The following NCS1 variants were observed in gnomAD, a reference collection of about 807,000 sequenced individuals.
NCS1 encodes the protein neuronal calcium sensor 1.
A neutral mutation model predicts 28.4 loss-of-function variants in NCS1; 6 were observed. The observed-to-expected ratio is 0.21, with a 90% CI of 0.12 to 0.42. The LOEUF (loss-of-function observed/expected upper bound fraction) is 0.42. Ranked by LOEUF, NCS1 falls within the 10% of genes least tolerant of loss-of-function variation. The pLI is 1.00. For synonymous variants in NCS1, 86 were observed against 99.3 expected, an observed-to-expected ratio of 0.87 and a Z score of 0.79; for missense variants, 131 against 241.4, an observed-to-expected ratio of 0.54 and a Z score of 3.03.
chr9:130,217,705 C>T (rs1833208931), intron 2 of NCS1, 127 bp from the exon 3 acceptor site: 2 of 1,390,492 alleles, frequency 1.4e-6, no homozygotes, highest in Middle Eastern at 2.5e-4. Context: ...AGTCCATGGC[C>T]CCATGGGGCA....
chr9:130,200,425 C>A, intron 1 of NCS1: 1 of 702,464 alleles, frequency 1.4e-6, no homozygotes, highest in African/African-American at 1.8e-5. Context: ...GTGAAAGAGC[C>A]CGGGCTGACC....
chr9:130,204,314 G>T (rs543654063), intron 2 of NCS1, among the ~76,000 whole-genome samples: 8 of 151,936 alleles, frequency 5.3e-5, no homozygotes, highest in African/African-American at 1.7e-4. Flanking sequence ...TCAGAGACAG[G>T]GTGTTGCCCT....
intron 6 of NCS1, among the ~76,000 whole-genome samples, chr9:130,223,909 C>T (rs983947550): frequency 1.3e-5 from 2 of 151,824 alleles, no homozygotes; most frequent in African/African-American, 4.8e-5. Flanking sequence ...GTGGCGGGCG[C>T]GATCTCGGCT....
At chr9:130,176,140 T>A (rs113872914) in intron 1 of NCS1, among the ~76,000 whole-genome samples, 528 of 35,518 alleles carry the variant, frequency 0.015, 11 homozygotes, top group African/African-American at 0.069. Flanking sequence ...TTTGTTCATT[T>A]TCTTTCTTTC....
chr9:130,219,888 G>A lies in NCS1; in HGVS notation c.307+85G>A, dbSNP rs1420643811. ...GCAGCCCTCGGCCCTCACCAGGCAG[G>A]GGTGCCAGACACCCACTGCAGTGAC... is the stretch of plus-strand genomic sequence containing the variant. On this transcript the variant is annotated intron_variant, in intron 4 of 7. Coordinates refer to ENST00000372398, the MANE Select transcript of NCS1 (RefSeq NM_014286.4). This position sits in a 1 kb window ranked among gnomAD's most constrained non-coding sequence, Gnocchi z 5.7. 118 of 1,412,040 alleles carry A rather than the reference G, an allele frequency of 8.4e-5. 2 individuals are homozygous for A. The South Asian group carries it at 1.3e-3, about 16-fold the overall frequency. The allele number at this position is 1,412,040 out of a possible 1,614,324, so 87.5% of individuals were successfully genotyped here. A position where few individuals can be genotyped will look rare whatever the true frequency, so the allele number is the denominator to read the frequency against.
rs1244461006 is a variant in NCS1, at chr9:130,215,554, A to G, written c.90-2278A>G. ...CACACTGGCCGGCAGGGCAGAGGAC[A>G]GGAGAGGCAGGGCGGGCTCCGAGTC... On this transcript the variant is annotated intron_variant, in intron 2 of 7. Coordinates refer to ENST00000372398, the MANE Select transcript of NCS1 (RefSeq NM_014286.4). The surrounding 1 kb of genome is among the most constrained non-coding windows in gnomAD (Gnocchi z 4.2). Among the ~76,000 whole-genome samples, 1 of 152,184 alleles carries G rather than the reference A, an allele frequency of 6.6e-6. No individual in the cohort carries two copies. The highest frequency in any genetic ancestry group is 1.5e-5 in the Non-Finnish European group (1 of 68,030).
chr9:130,215,528 G>A lies in NCS1; in HGVS notation c.90-2304G>A, dbSNP rs782164322. Among the ~76,000 whole-genome samples the A allele has an allele frequency of 3.3e-5, 5 of 152,170 alleles. No homozygotes were observed. The highest frequency in any genetic ancestry group is 6.5e-5 in the Admixed American group (1 of 15,276). ...CACGGGAGGGACGGATGCTGGGGTC[G>A]CACACTGGCCGGCAGGGCAGAGGAC... On this transcript the variant is annotated intron_variant, in intron 2 of 7. Coordinates refer to ENST00000372398, the MANE Select transcript of NCS1 (RefSeq NM_014286.4). This position sits in a 1 kb window ranked among gnomAD's most constrained non-coding sequence, Gnocchi z 4.2.
intron 1 of NCS1, among the ~76,000 whole-genome samples, chr9:130,184,911 C>G (rs1474015943): frequency 6.6e-6 from 1 of 151,560 alleles, no homozygotes; most frequent in African/African-American, 2.4e-5. Context: ...ATTCCGTGAG[C>G]TGAGATTGCG....
intron 1 of NCS1, among the ~76,000 whole-genome samples, chr9:130,173,201 G>C (rs947751874): frequency 7.6e-6 from 1 of 131,554 alleles, no homozygotes; most frequent in Non-Finnish European, 1.5e-5. Flanking sequence ...CGTTCGTGTG[G>C]GGGGGGGGGT....
At chr9:130,205,888 GA>G (rs1554908032) in intron 2 of NCS1, among the ~76,000 whole-genome samples, 1 of 151,688 alleles carries the variant, frequency 6.6e-6, no homozygotes, top group Non-Finnish European at 1.5e-5. Flanking sequence ...CTCTGGCAGA[GA>G]AAAGTTCTGT....
At chr9:130,179,697 T>C (rs576003083) in intron 1 of NCS1, among the ~76,000 whole-genome samples, 25 of 152,364 alleles carry the variant, frequency 1.6e-4, no homozygotes, top group African/African-American at 4.8e-4. Flanking sequence ...CTGTTTTCCT[T>C]ACTTCTTGCC....
Position 130,236,544 on chromosome 9 carries a change from C to T in NCS1, c.*3572C>T, listed in dbSNP as rs1476336355. Reference sequence around the variant, plus strand: ...GGCACTGTGATGGGAAGCCTTGCCCCCCTCTTTTTTTTTTTTTTTTAATAT... The same window carrying T: ...GGCACTGTGATGGGAAGCCTTGCCCTCCTCTTTTTTTTTTTTTTTTAATAT... On this transcript the variant is annotated 3_prime_UTR_variant, in exon 8 of 8. Coordinates refer to ENST00000372398, the MANE Select transcript of NCS1 (RefSeq NM_014286.4). 1.2e-5 allele frequency: 1 copy of T among 82,466 alleles called. No individual in the cohort carries two copies. The highest frequency in any genetic ancestry group is 2.3e-5 in the Non-Finnish European group (1 of 42,596). The allele number at this position is 82,466 out of a possible 1,614,324, so 5.1% of individuals were successfully genotyped here. A position where few individuals can be genotyped will look rare whatever the true frequency, so the allele number is the denominator to read the frequency against.
Position 130,172,732 on chromosome 9 carries a change from G to T in NCS1, c.64+5G>T. On this transcript the variant is annotated splice_donor_5th_base_variant and intron_variant, in intron 1 of 7. Transcript: ENST00000372398. ...AGCTGACCAGGAAGACCTACTGTGA[G>T]TGCTCCCAGCCCCCAGCCCGCGCCC... 6.7e-7 allele frequency: 1 copy of T among 1,500,458 alleles called. No individual in the cohort carries two copies. The highest frequency in any genetic ancestry group is 1.2e-5 in the South Asian group (1 of 81,104). 92.9% of individuals were successfully genotyped at this position (1,500,458 alleles called of 1,614,324 possible). A position where few individuals can be genotyped will look rare whatever the true frequency, so the allele number is the denominator to read the frequency against.
chr9:130,220,917 G>A (rs994891347), intron 4 of NCS1, among the ~76,000 whole-genome samples: 2 of 152,012 alleles, frequency 1.3e-5, no homozygotes, highest in African/African-American at 4.8e-5. Context: ...GGGGGAAGGA[G>A]AGGGGTGCTC....
At chr9:130,221,377 CATATATATATATATATATATATAT>C (rs370084084) in intron 4 of NCS1, among the ~76,000 whole-genome samples, 4 of 84,714 alleles carry the variant, frequency 4.7e-5, no homozygotes, top group Non-Finnish European at 6.7e-5. Flanking sequence ...TATAAAATAT[CATATATATATATATATATATATAT>C]ATATATATAT....
rs1345627166 is a variant in NCS1 at position 130,232,655 on chromosome 9, G to A, written c.*18-335G>A. ...AAAGAAATTAGCCAGGCATGGTGGCGGGCGCCTGTAATCCCAGCTACTTGG... is the reference window on the plus strand; with the variant it reads ...AAAGAAATTAGCCAGGCATGGTGGCAGGCGCCTGTAATCCCAGCTACTTGG... On this transcript the variant is annotated intron_variant, in intron 7 of 7. Coordinates refer to ENST00000372398, the MANE Select transcript of NCS1 (RefSeq NM_014286.4). The surrounding 1 kb of genome is among the most constrained non-coding windows in gnomAD (Gnocchi z 4.4). Among the ~76,000 whole-genome samples the A allele has an allele frequency of 6.6e-6, 1 of 151,946 alleles. No individual in the cohort carries two copies. Among genetic ancestry groups the A allele is most frequent in the Admixed American group, 6.6e-5 (1 of 15,242 alleles).
At chr9:130,198,045 G>A (rs1023893837) in intron 1 of NCS1, among the ~76,000 whole-genome samples, 1 of 152,000 alleles carries the variant, frequency 6.6e-6, no homozygotes, top group Non-Finnish European at 1.5e-5. Flanking sequence ...CTGGGTGCCA[G>A]GGGATACCTG....
intron 1 of NCS1, among the ~76,000 whole-genome samples, chr9:130,173,966 G>A (rs1554904367): frequency 6.6e-6 from 1 of 152,208 alleles, no homozygotes; most frequent in Non-Finnish European, 1.5e-5. Flanking sequence ...CTGCTGCGAG[G>A]TGCTGGCCCT....
chr9:130,222,130 ATATATATATACG>A lies in NCS1; in HGVS notation c.308-509_308-498del, dbSNP rs1564714085. ...TATATATACGTATATATATATGTGT[ATATATATATACG>A]TATATATATATGTATATACAGAGAG... On this transcript the variant is annotated intron_variant, in intron 4 of 7. Coordinates refer to ENST00000372398, the MANE Select transcript of NCS1 (RefSeq NM_014286.4). Among the ~76,000 whole-genome samples, 14 of 91,294 alleles carry A rather than the reference ATATATATATACG, an allele frequency of 1.5e-4. 1 individual carries two copies. The East Asian group carries it at 2.8e-3, about 18-fold the overall frequency. The allele number at this position is 91,294 out of a possible 152,430, so 59.9% of individuals were successfully genotyped here. A position where few individuals can be genotyped will look rare whatever the true frequency, so the allele number is the denominator to read the frequency against.
Sources: allele counts gnomAD v4.1 joint callset (sites outside exome capture counted in the v4.1 genomes callset), GRCh38; gene constraint gnomAD v4.1.1; non-coding constraint Gnocchi (gnomAD v3.1); transcripts MANE v1.5; gene names NCBI Gene and HGNC (gene_info 2026-07-23, HGNC 2026-07-21).